Variants in CCNY observed in about 807,000 individuals in gnomAD.
CCNY encodes the protein cyclin-Y.
Under a neutral mutation model 42.8 loss-of-function variants are expected in CCNY, and 19 were observed. That is an observed-to-expected ratio of 0.44 (90% CI 0.31 to 0.65). CCNY has a LOEUF of 0.65. CCNY is among the 30% of genes least tolerant of loss of function. The pLI is 0.07. For missense variants in CCNY, 370 were observed against 437.3 expected, an observed-to-expected ratio of 0.85 and a Z score of 1.37; for synonymous variants, 165 against 162.7, an observed-to-expected ratio of 1.01 and a Z score of -0.11.
chr10:35,299,050 G>A (rs1381499533), intron 3 of CCNY, among the ~76,000 whole-genome samples: 1 of 152,176 alleles, frequency 6.6e-6, no homozygotes, highest in East Asian at 1.9e-4. Flanking sequence ...TTTTCAAAGT[G>A]ATTGTAACAT....
At chr10:35,371,300 A>C (rs1270706724) in intron 1 of CCNY, among the ~76,000 whole-genome samples, 1 of 152,140 alleles carries the variant, frequency 6.6e-6, no homozygotes, top group Non-Finnish European at 1.5e-5. Flanking sequence ...TTGGACTCTC[A>C]AGAGACCTCT....
At chr10:35,542,815 T>C (rs942101039) in intron 7 of CCNY, among the ~76,000 whole-genome samples, 7 of 152,206 alleles carry the variant, frequency 4.6e-5, no homozygotes, top group Admixed American at 3.9e-4. Context: ...AAAGCTGTTA[T>C]TCAGGTGGCA....
chr10:35,545,570 G>A (rs1041601757), intron 7 of CCNY, among the ~76,000 whole-genome samples: 2 of 152,104 alleles, frequency 1.3e-5, no homozygotes, highest in Non-Finnish European at 2.9e-5. Context: ...TAATGACCTC[G>A]TTTTAACTCC....
At chr10:35,269,047 AC>A (rs1426776447) in intron 3 of CCNY, among the ~76,000 whole-genome samples, 2 of 152,164 alleles carry the variant, frequency 1.3e-5, no homozygotes, top group African/African-American at 4.8e-5. Context: ...TCCTTATCAA[AC>A]AGTCACTTGG....
chr10:35,427,513 G>A (rs1179073565), intron 1 of CCNY, among the ~76,000 whole-genome samples: 3 of 152,204 alleles, frequency 2.0e-5, no homozygotes, highest in Admixed American at 6.5e-5. Flanking sequence ...CTGTTTTGTC[G>A]AAGCCTTGTG....
chr10:35,455,630 G>A (rs1256622599), intron 1 of CCNY, among the ~76,000 whole-genome samples: 1 of 151,850 alleles, frequency 6.6e-6, no homozygotes, highest in Non-Finnish European at 1.5e-5. Context: ...AAGGCTCAGT[G>A]CTCACTGTCT....
chr10:35,318,661 C>CT (rs962728685), intron 3 of CCNY, among the ~76,000 whole-genome samples: 19 of 151,706 alleles, frequency 1.3e-4, no homozygotes, highest in South Asian at 8.3e-4. Context: ...AAAGCAAGGG[C>CT]TTTTTTTTGT....
At chr10:35,349,564 T>G (rs1161028126) in intron 1 of CCNY, among the ~76,000 whole-genome samples, 1 of 152,260 alleles carries the variant, frequency 6.6e-6, no homozygotes, top group East Asian at 1.9e-4. Context: ...CTTTCTTGAT[T>G]AGTCATATTC....
At chr10:35,252,498 G>A (rs1046456957) in intron 3 of CCNY, among the ~76,000 whole-genome samples, 8 of 150,258 alleles carry the variant, frequency 5.3e-5, no homozygotes, top group African/African-American at 1.7e-4. Flanking sequence ...CCTGGGAAGC[G>A]GAGCTTGCAG....
intron 1 of CCNY, chr10:35,434,099 T>A (rs1760089149): frequency 6.6e-6 from 1 of 152,212 alleles, no homozygotes; most frequent in Non-Finnish European, 1.5e-5. Context: ...CTTCTATTAA[T>A]TTATTCTCTT....
At chr10:35,563,500 C>A (rs1013211127) in intron 8 of CCNY, among the ~76,000 whole-genome samples, 3 of 152,110 alleles carry the variant, frequency 2.0e-5, no homozygotes, top group African/African-American at 7.2e-5. Context: ...GCGGTGTGTC[C>A]ATGGCAGCTC....
intron 2 of CCNY, among the ~76,000 whole-genome samples, chr10:35,488,333 G>A (rs1355683960): frequency 6.6e-6 from 1 of 152,180 alleles, no homozygotes; most frequent in South Asian, 2.1e-4. Context: ...ACTTTTGCGT[G>A]GTGAAACAAC....
intron 1 of CCNY, among the ~76,000 whole-genome samples, chr10:35,416,324 A>G (rs1838025071): frequency 6.6e-6 from 1 of 152,114 alleles, no homozygotes; most frequent in South Asian, 2.1e-4. Context: ...GAGGGCCATT[A>G]ATGGTGGCTC....
intron 1 of CCNY, among the ~76,000 whole-genome samples, chr10:35,413,278 T>G (rs147121208): frequency 6.6e-6 from 1 of 152,054 alleles, no homozygotes; most frequent in Non-Finnish European, 1.5e-5. Flanking sequence ...GGTGGTTGGA[T>G]ATGGGGAGTT....
chr10:35,476,165 G>A (rs1774084633), intron 1 of CCNY, among the ~76,000 whole-genome samples: 2 of 152,144 alleles, frequency 1.3e-5, no homozygotes. Flanking sequence ...AAGAGACTTA[G>A]ACTCCCACAC....
At chr10:35,483,116 C>T (rs1839710647) in intron 1 of CCNY, among the ~76,000 whole-genome samples, 1 of 152,106 alleles carries the variant, frequency 6.6e-6, no homozygotes, top group African/African-American at 2.4e-5. Context: ...CTCTGTCCTG[C>T]TATTTTATAG....
At chr10:35,359,040 G>A (rs992146925) in intron 1 of CCNY, among the ~76,000 whole-genome samples, 5 of 152,262 alleles carry the variant, frequency 3.3e-5, no homozygotes, top group African/African-American at 1.2e-4. Context: ...GACAGACAAA[G>A]CATCTGTGCT....
chr10:35,439,372 T>G, intron 1 of CCNY, among the ~76,000 whole-genome samples: 1 of 152,224 alleles, frequency 6.6e-6, no homozygotes, highest in East Asian at 1.9e-4. Context: ...TTCAGTTCAC[T>G]GATTCTTTCT....
chr10:35,284,973 C>T (rs1565064069), intron 3 of CCNY, among the ~76,000 whole-genome samples: 1 of 152,012 alleles, frequency 6.6e-6, no homozygotes, highest in Admixed American at 6.6e-5. Context: ...AGAGCCCATA[C>T]TTTGTATGAT....
Sources: allele counts gnomAD v4.1 joint callset (sites outside exome capture counted in the v4.1 genomes callset), GRCh38; gene constraint gnomAD v4.1.1; transcripts MANE v1.5; gene names NCBI Gene and HGNC (gene_info 2026-07-23, HGNC 2026-07-21).